The following TTC23 variants were observed in gnomAD, a reference collection of about 807,000 sequenced individuals.
TTC23 encodes tetratricopeptide repeat protein 23.
Under a neutral mutation model 55.1 loss-of-function variants are expected in TTC23, and 58 were observed. The observed-to-expected ratio is 1.05, with a 90% confidence interval of 0.85 to 1.31. The LOEUF (loss-of-function observed/expected upper bound fraction) is 1.31. TTC23 is among the 50% of genes most tolerant of loss of function. TTC23 has a pLI of 0.00. For synonymous variants in TTC23, 203 were observed against 199.9 expected (o/e 1.02, Z -0.13); for missense variants, 516 against 534.4 (o/e 0.97, Z 0.34).
intron 8 of TTC23, among the ~76,000 whole-genome samples, chr15:99,203,979 A>G (rs1018276091): frequency 6.6e-6 from 1 of 152,146 alleles, no homozygotes; most frequent in South Asian, 2.1e-4. Flanking sequence ...TTCTTTTGAT[A>G]TACTGATTTC....
At chr15:99,213,062 T>A (rs1010877441) in intron 8 of TTC23, among the ~76,000 whole-genome samples, 6 of 150,314 alleles carry the variant, frequency 4.0e-5, no homozygotes, top group Admixed American at 2.6e-4. Context: ...GCCTTCCACT[T>A]CCAAGACCTG....
At chr15:99,231,870 G>A (rs944592793) in intron 4 of TTC23, among the ~76,000 whole-genome samples, 6 of 151,632 alleles carry the variant, frequency 4.0e-5, no homozygotes, top group East Asian at 2.0e-4. Flanking sequence ...TTGGCTCACC[G>A]CAACCTCTAC....
chr15:99,195,755 G>C (rs2075641393), intron 9 of TTC23, among the ~76,000 whole-genome samples: 1 of 151,808 alleles, frequency 6.6e-6, no homozygotes, highest in African/African-American at 2.4e-5. Flanking sequence ...GTCAATGTAG[G>C]CTCATCAATT....
chr15:99,236,721 A>G (rs1269417354), intron 3 of TTC23, among the ~76,000 whole-genome samples: 2 of 151,958 alleles, frequency 1.3e-5, no homozygotes, highest in African/African-American at 4.8e-5. Context: ...TTGTTGTTCT[A>G]GTTATTGTTG....
intron 9 of TTC23, among the ~76,000 whole-genome samples, chr15:99,183,023 A>G (rs1381775513): frequency 6.6e-6 from 1 of 152,212 alleles, no homozygotes; most frequent in Admixed American, 6.5e-5. Flanking sequence ...GAACTGGGTA[A>G]TGGGCAGAGG....
upstream of TTC23, among the ~76,000 whole-genome samples, chr15:99,250,806 G>A (rs941012092): frequency 6.6e-6 from 1 of 152,206 alleles, no homozygotes; most frequent in African/African-American, 2.4e-5. Context: ...GAAGGGCAGA[G>A]ACTAGGTTAC....
intron 9 of TTC23, among the ~76,000 whole-genome samples, chr15:99,191,970 T>C (rs1284459859): frequency 2.6e-5 from 4 of 152,178 alleles, no homozygotes; most frequent in East Asian, 3.9e-4. Context: ...TTGTTGGGAA[T>C]TGGAGCAAAG....
chr15:99,214,359 T>A lies in TTC23; in HGVS notation c.581+4229A>T, dbSNP rs542050304. Among the ~76,000 whole-genome samples the A allele has an allele frequency of 1.2e-3, 182 of 152,030 alleles. 1 individual carries two copies. Among genetic ancestry groups the A allele is most frequent in the Admixed American group, 2.1e-3 (32 of 15,272 alleles). On this transcript the variant is annotated intron_variant, in intron 8 of 13. Coordinates refer to ENST00000394132, the MANE Select transcript of TTC23 (RefSeq NM_001288615.3). ...CGTCTCTACTAAAAAATACAAAAAA[T>A]TAGCCAGGCGTGGTGGTGGGTGCCT... is the stretch of plus-strand genomic sequence containing the variant.
At chr15:99,139,458 T>C in intron 12 of TTC23, 59 bp from the exon 13 acceptor site, 1 of 1,610,108 alleles carries the variant, frequency 6.2e-7, no homozygotes, top group Non-Finnish European at 8.5e-7. Flanking sequence ...AGCAGGAAAC[T>C]AAGGTCTCCC....
At chr15:99,138,564 C>T (rs28690249) in intron 13 of TTC23, among the ~76,000 whole-genome samples, 21,749 of 152,242 alleles carry the variant, frequency 0.14, 2,436 homozygotes, top group African/African-American at 0.31. Context: ...TCCACCGCCT[C>T]GGCCTCCCAA....
At chr15:99,246,102 G>A (rs1439719947) in intron 1 of TTC23, among the ~76,000 whole-genome samples, 2 of 152,022 alleles carry the variant, frequency 1.3e-5, no homozygotes, top group East Asian at 3.9e-4. Context: ...GAGTCACAGG[G>A]CCCAGCCTGT....
intron 10 of TTC23, among the ~76,000 whole-genome samples, chr15:99,162,403 A>G (rs998261261): frequency 1.6e-4 from 25 of 152,256 alleles, no homozygotes; most frequent in Admixed American, 1.6e-3. Flanking sequence ...ATATAACACA[A>G]ATATTTTTAA....
intron 12 of TTC23, chr15:99,144,966 G>A (rs954938881): frequency 1.3e-5 from 2 of 152,216 alleles, no homozygotes; most frequent in East Asian, 1.9e-4. Flanking sequence ...GCCTTACTAC[G>A]TGGAAGCGTG....
intron 12 of TTC23, among the ~76,000 whole-genome samples, chr15:99,147,934 A>G (rs1432529702): frequency 1.3e-5 from 2 of 152,106 alleles, no homozygotes; most frequent in Non-Finnish European, 2.9e-5. Context: ...CCACTGATGG[A>G]ATTACAGGGA....
chr15:99,246,251 G>A (rs892812782), intron 1 of TTC23, among the ~76,000 whole-genome samples: 3 of 152,204 alleles, frequency 2.0e-5, no homozygotes, highest in African/African-American at 7.2e-5. Context: ...CCCACAGAAT[G>A]GGAGACAATA....
At chr15:99,248,041 A>G (rs1052271041) in intron 1 of TTC23, 2 of 152,200 alleles carry the variant, frequency 1.3e-5, no homozygotes, top group African/African-American at 4.8e-5. Flanking sequence ...GGCAACCATG[A>G]CTCCCCAAGA....
chr15:99,210,177 C>A (rs2076934093), intron 8 of TTC23, among the ~76,000 whole-genome samples: 1 of 151,916 alleles, frequency 6.6e-6, no homozygotes, highest in African/African-American at 2.4e-5. Flanking sequence ...TTATTTAAAT[C>A]ATTATTCTCA....
intron 10 of TTC23, among the ~76,000 whole-genome samples, chr15:99,165,942 T>C (rs1206734913): frequency 1.3e-5 from 2 of 152,160 alleles, no homozygotes; most frequent in African/African-American, 4.8e-5. Flanking sequence ...TTCTGGCTGA[T>C]TGGGAGTCAA....
At chr15:99,166,608 C>T (rs1235290633) in intron 10 of TTC23, among the ~76,000 whole-genome samples, 1 of 152,186 alleles carries the variant, frequency 6.6e-6, no homozygotes, top group African/African-American at 2.4e-5. Flanking sequence ...GAAGGCCAGG[C>T]GTTGTGGTGG....
Sources: gnomAD v4.1 joint callset for allele counts (sites outside exome capture counted in the v4.1 genomes callset) on GRCh38, gnomAD v4.1.1 for gene constraint, MANE v1.5 for transcripts, NCBI Gene and HGNC (gene_info 2026-07-23, HGNC 2026-07-21) for gene names.